Variants in SCFD2 observed in about 807,000 individuals in gnomAD.
SCFD2 encodes the protein sec1 family domain containing 2, also known as sec1 family domain-containing protein 2.
Under a neutral mutation model 58.9 loss-of-function variants are expected in SCFD2, and 54 were observed. That is an observed-to-expected ratio of 0.92 (90% CI 0.74 to 1.15). The LOEUF is 1.15. SCFD2 is among the 50% of genes most tolerant of loss of function. SCFD2 has a pLI of 0.00. For missense variants in SCFD2, 805 were observed against 836.6 expected, an observed-to-expected ratio of 0.96 and a Z score of 0.47; for synonymous variants, 321 against 335.9, an observed-to-expected ratio of 0.96 and a Z score of 0.49.
chr4:53,329,287 G>A (rs980744790), intron 2 of SCFD2, among the ~76,000 whole-genome samples: 2 of 152,140 alleles, frequency 1.3e-5, no homozygotes, highest in Non-Finnish European at 2.9e-5. Context: ...TCACCTCTGG[G>A]GGCAGGGCAC....
chr4:53,055,002 A>G lies in SCFD2; in HGVS notation c.1561+90331T>C, dbSNP rs1480071872. Among the ~76,000 whole-genome samples the G allele has an allele frequency of 3.9e-5, 6 of 152,276 alleles. No individual in the cohort carries two copies. In the East Asian group the frequency reaches 1.2e-3, roughly 29 times the overall value. ...ACAGATCGAGGGGAGAGAAGCAGCA[A>G]TAACAATAATGAAGGAGTTTGTGTT... On this transcript the variant is annotated intron_variant, in intron 5 of 8. Coordinates refer to ENST00000401642, the MANE Select transcript of SCFD2 (RefSeq NM_152540.4).
intron 4 of SCFD2, among the ~76,000 whole-genome samples, chr4:53,215,033 C>A (rs897706341): frequency 6.6e-6 from 1 of 152,120 alleles, no homozygotes; most frequent in African/African-American, 2.4e-5. Flanking sequence ...GGTACCAGTA[C>A]CACGCTGTTT....
At chr4:53,177,656 A>G (rs1727383245) in intron 4 of SCFD2, among the ~76,000 whole-genome samples, 1 of 152,164 alleles carries the variant, frequency 6.6e-6, no homozygotes, top group Non-Finnish European at 1.5e-5. Context: ...GGAGTGCCAG[A>G]CAGTAGGTGC....
intron 2 of SCFD2, among the ~76,000 whole-genome samples, chr4:53,316,322 C>A (rs1732861159): frequency 6.6e-6 from 1 of 152,172 alleles, no homozygotes; most frequent in African/African-American, 2.4e-5. Context: ...CAGTGCAGAT[C>A]TCTGGTGGGT....
At chr4:53,326,295 C>T (rs1304893438) in intron 2 of SCFD2, among the ~76,000 whole-genome samples, 1 of 151,986 alleles carries the variant, frequency 6.6e-6, no homozygotes, top group Admixed American at 6.6e-5. Context: ...GGCGCATGCC[C>T]CCACACCTAG....
chr4:53,216,750 T>A (rs1728853758), intron 4 of SCFD2, among the ~76,000 whole-genome samples: 1 of 152,202 alleles, frequency 6.6e-6, no homozygotes. Context: ...GGGTGTCAAT[T>A]TTAGATCTTT....
chr4:53,173,259 T>G (rs954494563), intron 4 of SCFD2, among the ~76,000 whole-genome samples: 7 of 152,172 alleles, frequency 4.6e-5, no homozygotes, highest in African/African-American at 1.7e-4. Context: ...TGACTTAAAA[T>G]ATTTTCAACT....
In SCFD2 at chr4:53,188,104, T is replaced by A. The variant is rs116791941; in HGVS notation, c.1312-42522A>T. Among the ~76,000 whole-genome samples the A allele has an allele frequency of 7.4e-3, 1,121 of 152,186 alleles. 7 individuals are homozygous for A. Among genetic ancestry groups the A allele is most frequent in the African/African-American group, 0.026 (1,066 of 41,538 alleles). Reference sequence around the variant, plus strand: ...ACTCAAGGGAACATCCTATGCTTAATGGTTAAATGGCAATAGAAAAAAAGA... The same window carrying A: ...ACTCAAGGGAACATCCTATGCTTAAAGGTTAAATGGCAATAGAAAAAAAGA... On this transcript the variant is annotated intron_variant, in intron 4 of 8. Transcript: ENST00000401642.
intron 3 of SCFD2, among the ~76,000 whole-genome samples, chr4:53,293,682 A>T (rs2149088880): frequency 6.6e-6 from 1 of 152,294 alleles, no homozygotes. Flanking sequence ...TCAATGGCGA[A>T]CAACTGAAAA....
At chr4:53,249,275 G>A (rs565505138) in intron 4 of SCFD2, among the ~76,000 whole-genome samples, 13 of 151,956 alleles carry the variant, frequency 8.6e-5, no homozygotes, top group Admixed American at 2.6e-4. Flanking sequence ...AAAAAGAAAC[G>A]AACAAAGCCT....
At chr4:53,166,986 C>A (rs1224488421) in intron 4 of SCFD2, among the ~76,000 whole-genome samples, 1 of 152,218 alleles carries the variant, frequency 6.6e-6, no homozygotes, top group Middle Eastern at 3.4e-3. Context: ...AAGTCAGGGG[C>A]CTTTACCTCC....
intron 4 of SCFD2, among the ~76,000 whole-genome samples, chr4:53,180,635 G>A (rs534067241): frequency 2.0e-5 from 3 of 152,090 alleles, no homozygotes; most frequent in Admixed American, 1.3e-4. Flanking sequence ...AGAAGAAGGC[G>A]AGAAATAACT....
At chr4:53,096,566 T>C (rs1372643272) in intron 5 of SCFD2, among the ~76,000 whole-genome samples, 4 of 152,176 alleles carry the variant, frequency 2.6e-5, no homozygotes, top group Non-Finnish European at 5.9e-5. Flanking sequence ...GATGGGGTTG[T>C]TTTTTTCTTG....
chr4:52,971,398 C>G (rs1007165182), intron 5 of SCFD2, among the ~76,000 whole-genome samples: 3 of 152,046 alleles, frequency 2.0e-5, no homozygotes, highest in African/African-American at 7.3e-5. Context: ...ATTCGATCAA[C>G]TGGAAGAAAG....
chr4:53,091,593 CTT>C, intron 5 of SCFD2, among the ~76,000 whole-genome samples: 1 of 152,152 alleles, frequency 6.6e-6, no homozygotes, highest in East Asian at 1.9e-4. Context: ...TTAATTATGA[CTT>C]ATTATTCCAT....
At chr4:53,353,414 A>C (rs1734299179) in intron 1 of SCFD2, among the ~76,000 whole-genome samples, 1 of 152,216 alleles carries the variant, frequency 6.6e-6, no homozygotes, top group African/African-American at 2.4e-5. Context: ...TTTATTGCAG[A>C]GAGCAAATGA....
At chr4:53,188,431 G>A (rs1300292478) in intron 4 of SCFD2, among the ~76,000 whole-genome samples, 6 of 142,604 alleles carry the variant, frequency 4.2e-5, no homozygotes, top group Admixed American at 7.5e-5. Context: ...GTGTGTGTGT[G>A]TGTGTGTGTG....
chr4:53,070,399 A>T (rs1352292629), intron 5 of SCFD2, among the ~76,000 whole-genome samples: 1 of 152,096 alleles, frequency 6.6e-6, no homozygotes, highest in Non-Finnish European at 1.5e-5. Context: ...TTAAATTGAA[A>T]TTAAATTAAT....
At chr4:53,236,807 GTTTT>G (rs1729628537) in intron 4 of SCFD2, among the ~76,000 whole-genome samples, 1 of 129,652 alleles carries the variant, frequency 7.7e-6, no homozygotes, top group African/African-American at 2.9e-5. Flanking sequence ...TAAAGTCACT[GTTTT>G]ATTTATTTAT....
Sources: allele counts gnomAD v4.1 joint callset (sites outside exome capture counted in the v4.1 genomes callset), GRCh38; gene constraint gnomAD v4.1.1; transcripts MANE v1.5; gene names NCBI Gene and HGNC (gene_info 2026-07-23, HGNC 2026-07-21).